RIPK4: variants seen among roughly 807,000 people sequenced by gnomAD.
RIPK4 encodes the protein receptor interacting serine/threonine kinase 4, also known as receptor-interacting serine/threonine-protein kinase 4.
In RIPK4, 17 loss-of-function variants were observed where a neutral mutation model predicts 42.9. The ratio of observed to expected loss-of-function variants is 0.40; its 90% CI spans 0.27 to 0.59. The LOEUF is 0.59. RIPK4 is among the 20% of genes least tolerant of loss of function. The pLI, the probability that RIPK4 is intolerant of heterozygous loss-of-function variation, is 0.47. For missense variants in RIPK4, 897 were observed against 1,104.4 expected, an observed-to-expected ratio of 0.81 and a Z score of 2.66; for synonymous variants, 498 against 499.1, an observed-to-expected ratio of 1.00 and a Z score of 0.03.
rs1026070462 is a variant in RIPK4, at chr21:41,741,229, A to T, written c.1964T>A (p.Leu655Gln). 1 of 1,608,856 alleles carries T rather than the reference A, an allele frequency of 6.2e-7. No individual in the cohort carries two copies. The highest frequency in any genetic ancestry group is 1.3e-5 in the African/African-American group (1 of 74,888). Residue 655 changes from leucine to glutamine, a missense_variant, in exon 8 of 8, where the codon CTG (leucine) becomes CAG (glutamine). Leu to Gln is a moderately radical substitution (Grantham distance 113). Transcript: ENST00000332512. ...AETGHTSTAR[L>Q]LLHRGAGKEA... The stretch of plus-strand genomic sequence containing the variant: ...CTTGCCAGCGCCCCGATGCAGGAGC[A>T]GCCTGGCAGTGCTCGTGTGCCCCGT...
Position 41,744,068 on chromosome 21 carries a change from AGAGCAGCTCG to A in RIPK4, c.999_1008del (p.Glu334HisfsTer86). 1 of 1,612,640 alleles carries A rather than the reference AGAGCAGCTCG, an allele frequency of 6.2e-7. No homozygotes were observed. ...TGGGAAACTCCAGAGTCCAGCTGTG[AGAGCAGCTCG>A]GAGAGGCTGTAGTCGTTATCGAAGG... is the stretch of plus-strand genomic sequence containing the variant. On this transcript the variant is annotated frameshift_variant, in exon 7 of 8. Coordinates refer to ENST00000332512, the MANE Select transcript of RIPK4 (RefSeq NM_020639.3). LOFTEE classifies it high-confidence loss of function.
chr21:41,747,216 G>A (rs1341992071), intron 4 of RIPK4, among the ~76,000 whole-genome samples: 1 of 152,176 alleles, frequency 6.6e-6, no homozygotes, highest in African/African-American at 2.4e-5. Flanking sequence ...CAATGGCGAA[G>A]AAGTCTTCCT....
intron 1 of RIPK4, among the ~76,000 whole-genome samples, chr21:41,757,982 C>G (rs1465122633): frequency 4.4e-5 from 4 of 90,764 alleles, no homozygotes; most frequent in African/African-American, 1.4e-4. Flanking sequence ...CTGGGCGACA[C>G]AGAGAGACTC....
rs972369600 is a variant in RIPK4 at position 41,749,299 on chromosome 21, A to C, written c.624-96T>G. 7.6e-6 allele frequency: 9 copies of C among 1,179,864 alleles called. No individual in the cohort carries two copies. The South Asian group carries it at 1.1e-4, about 15-fold the overall frequency. 73.1% of individuals were successfully genotyped at this position (1,179,864 alleles called of 1,614,324 possible). A position where few individuals can be genotyped will look rare whatever the true frequency, so the allele number is the denominator to read the frequency against. ...AACAGGCGTGAAGACACCTGTTCTG[A>C]AGCCTTCCAAAGACAGAGCCATGAC... is the stretch of plus-strand genomic sequence containing the variant. On this transcript the variant is annotated intron_variant, in intron 3 of 7. Coordinates refer to ENST00000332512, the MANE Select transcript of RIPK4 (RefSeq NM_020639.3).
At chr21:41,761,958 C>T (rs1259746077) in intron 1 of RIPK4, among the ~76,000 whole-genome samples, 1 of 152,194 alleles carries the variant, frequency 6.6e-6, no homozygotes, top group East Asian at 1.9e-4. Flanking sequence ...CTGCCCCGGG[C>T]TCTTTCTGCA....
chr21:41,745,903 T>C (rs746297192), intron 5 of RIPK4, 41 bp from the exon 6 acceptor site: 1 of 1,466,332 alleles, frequency 6.8e-7, no homozygotes, highest in Non-Finnish European at 9.6e-7. Context: ...GGATGATGAC[T>C]TCTGCGTACA....
At chr21:41,765,757 G>C (rs1300975020) in intron 1 of RIPK4, among the ~76,000 whole-genome samples, 1 of 152,212 alleles carries the variant, frequency 6.6e-6, no homozygotes, top group Non-Finnish European at 1.5e-5. Flanking sequence ...GGAATCTCTA[G>C]GTAAAATACA....
chr21:41,745,935 G>A, intron 5 of RIPK4, 73 bp from the exon 6 acceptor site: 1 of 1,200,706 alleles, frequency 8.3e-7, no homozygotes, highest in South Asian at 1.2e-5. Context: ...TATAAACGCA[G>A]GGCCCCCACG....
intron 1 of RIPK4, among the ~76,000 whole-genome samples, chr21:41,762,689 T>A (rs888787314): frequency 3.3e-5 from 5 of 152,182 alleles, no homozygotes; most frequent in African/African-American, 9.7e-5. Context: ...CTATTTTTTT[T>A]AATACATTTT....
chr21:41,747,665 A>G (rs958959227), intron 4 of RIPK4, among the ~76,000 whole-genome samples: 1 of 152,206 alleles, frequency 6.6e-6, no homozygotes, highest in African/African-American at 2.4e-5. Context: ...TTGTGCAATA[A>G]ATATCGTTAA....
chr21:41,754,903 A>C (rs2061198706), intron 2 of RIPK4, among the ~76,000 whole-genome samples: 1 of 152,174 alleles, frequency 6.6e-6, no homozygotes, highest in Admixed American at 6.5e-5. Context: ...CCTGGCTGCT[A>C]ATTTACTCAC....
In RIPK4 at chr21:41,748,186, A is replaced by G. The variant is rs566798056; in HGVS notation, c.673+968T>C. Among the ~76,000 whole-genome samples the G allele has an allele frequency of 2.6e-5, 4 of 152,314 alleles. No homozygotes were observed. In the East Asian group the frequency reaches 7.7e-4, roughly 29 times the overall value. On this transcript the variant is annotated intron_variant, in intron 4 of 7. Coordinates refer to ENST00000332512, the MANE Select transcript of RIPK4 (RefSeq NM_020639.3). ...AGGACGCGTTCTGTGCTTTCTACTG[A>G]CATTCTTTTAAAGCTGCCAAGATAC... is the stretch of plus-strand genomic sequence containing the variant.
At chr21:41,749,880 CAAATTGATTAAAAAAAAAAA>C (rs2061183280) in intron 3 of RIPK4, among the ~76,000 whole-genome samples, 1 of 135,082 alleles carries the variant, frequency 7.4e-6, no homozygotes, top group Admixed American at 7.5e-5. Context: ...AAAAAGTGCC[CAAATTGATTAAAAAAAAAAA>C]AAAAAAAAAG....
intron 1 of RIPK4, among the ~76,000 whole-genome samples, chr21:41,759,955 G>C (rs1473073477): frequency 6.6e-6 from 1 of 152,180 alleles, no homozygotes; most frequent in Non-Finnish European, 1.5e-5. Flanking sequence ...CCTGCAGCTA[G>C]GGCTCTGCGT....
rs2061200777 is a variant in RIPK4, at chr21:41,755,506, G to C, written c.474+1019C>G. Among the ~76,000 whole-genome samples, 1 of 152,168 alleles carries C rather than the reference G, an allele frequency of 6.6e-6. No individual in the cohort carries two copies. Among genetic ancestry groups the C allele is most frequent in the African/African-American group, 2.4e-5 (1 of 41,440 alleles). Reference sequence around the variant, plus strand: ...GAGCTCAGGGGCAGGGCCGGGCCCTGAATTCAGGTCTCTCCTAATTAATGG... The same window carrying C: ...GAGCTCAGGGGCAGGGCCGGGCCCTCAATTCAGGTCTCTCCTAATTAATGG... On this transcript the variant is annotated intron_variant, in intron 2 of 7. Transcript: ENST00000332512. This position sits in a 1 kb window ranked among gnomAD's most constrained non-coding sequence, Gnocchi z 4.2.
intron 1 of RIPK4, among the ~76,000 whole-genome samples, chr21:41,759,340 G>A (rs1387050938): frequency 6.6e-6 from 1 of 152,076 alleles, no homozygotes; most frequent in Non-Finnish European, 1.5e-5. Context: ...TGATTTGCCT[G>A]CCTCAGCTCC....
chr21:41,744,085 C>T lies in RIPK4; in HGVS notation c.992G>A (p.Ser331Asn). 6.2e-7 allele frequency: 1 copy of T among 1,609,756 alleles called. No homozygotes were observed. Among genetic ancestry groups the T allele is most frequent in the African/African-American group, 1.3e-5 (1 of 74,996 alleles). The change falls in exon 7 of 8, where the codon AGC becomes AAC. Residue 331 changes from serine to asparagine, a missense_variant. Ser to Asn is a conservative substitution (Grantham distance 46). Transcript: ENST00000332512. ...CAGCTGTGAGAGCAGCTCGGAGAGG[C>T]TGTAGTCGTTATCGAAGGTGGGGGC... ...ASAPTFDNDYSLSELLSQLDS... is the reference protein window; with the variant it reads ...ASAPTFDNDYNLSELLSQLDS...
At chr21:41,760,054 C>A (rs2061216197) in intron 1 of RIPK4, among the ~76,000 whole-genome samples, 1 of 152,202 alleles carries the variant, frequency 6.6e-6, no homozygotes, top group Non-Finnish European at 1.5e-5. Flanking sequence ...CTGGCTGTCA[C>A]AACTAAAGGA....
rs940113415 is a variant in RIPK4 at position 41,756,869 on chromosome 21, A to G, written c.183-53T>C. 15 of 1,570,680 alleles carry G rather than the reference A, an allele frequency of 9.6e-6. No individual in the cohort carries two copies. In the Admixed American group the frequency reaches 2.6e-4, roughly 27 times the overall value. On this transcript the variant is annotated intron_variant, in intron 1 of 7. Transcript: ENST00000332512. ...ACGCAATGGTCACTCAGCCACAAAC[A>G]TGGAACAGCACCCTGGCCAGAAGAC...
Sources: gnomAD v4.1 joint callset for allele counts (sites outside exome capture counted in the v4.1 genomes callset) on GRCh38, gnomAD v4.1.1 for gene constraint, Gnocchi (gnomAD v3.1) non-coding constraint, MANE v1.5 for transcripts, NCBI Gene and HGNC (gene_info 2026-07-23, HGNC 2026-07-21) for gene names.